The following FURIN variants were observed in gnomAD, a reference collection of about 807,000 sequenced individuals.
FURIN encodes the protein FES upstream region.
Under a neutral mutation model 89.2 loss-of-function variants are expected in FURIN, and 18 were observed. The ratio of observed to expected loss-of-function variants is 0.20; its 90% confidence interval spans 0.14 to 0.30. The LOEUF is 0.30. FURIN is among the 10% of genes least tolerant of loss of function. The pLI is 1.00. For missense variants in FURIN, 879 were observed against 1,100.5 expected, an observed-to-expected ratio of 0.80 and a Z score of 2.85; for synonymous variants, 508 against 466.4, an observed-to-expected ratio of 1.09 and a Z score of -1.15.
At chr15:90,877,669 T>C (rs1466541157) in intron 7 of FURIN, 54 bp downstream of exon 7, 1 of 1,282,562 alleles carries the variant, frequency 7.8e-7, no homozygotes, top group Non-Finnish European at 1.1e-6. Flanking sequence ...AGTGGAATTT[T>C]TCCCGCCCAC....
chr15:90,874,940 C>G (rs116482508), intron 1 of FURIN, among the ~76,000 whole-genome samples: 1 of 151,770 alleles, frequency 6.6e-6, no homozygotes, highest in African/African-American at 2.4e-5. Context: ...TCTTCTTTAC[C>G]TTGATCATGG....
In FURIN at chr15:90,882,863, T is replaced by TCCCTGGCTG. The variant is rs2032080889; in HGVS notation, c.*993_*1001dup. On this transcript the variant is annotated 3_prime_UTR_variant, in exon 16 of 16. Coordinates refer to ENST00000268171, the MANE Select transcript of FURIN (RefSeq NM_002569.4). ...TCACACCCACCGTCCGCCCTGCTCC[T>TCCCTGGCTG]CCCTGGCTGCCCTGGCCCTGAGGTG... is the stretch of plus-strand genomic sequence containing the variant. 6.5e-6 allele frequency: 1 copy of TCCCTGGCTG among 152,746 alleles called. No homozygotes were observed. The highest frequency in any genetic ancestry group is 2.1e-4 in the South Asian group (1 of 4,840). The allele number at this position is 152,746 out of a possible 1,614,324, so 9.5% of individuals were successfully genotyped here. A position where few individuals can be genotyped will look rare whatever the true frequency, so the allele number is the denominator to read the frequency against.
intron 6 of FURIN, 54 bp downstream of exon 6, chr15:90,877,265 G>A: frequency 7.1e-7 from 1 of 1,398,724 alleles, no homozygotes; most frequent in Middle Eastern, 2.0e-4. Context: ...TTCCACTAAG[G>A]AACAGGGCTG....
intron 13 of FURIN, 59 bp from the exon 14 acceptor site, chr15:90,880,632 G>A: frequency 6.4e-7 from 1 of 1,559,524 alleles, no homozygotes; most frequent in Admixed American, 1.8e-5. Flanking sequence ...CTGTGGGTTA[G>A]ATGTCCCTGG....
At chr15:90,877,462 G>A (rs956305768) in intron 6 of FURIN, 65 bp from the exon 7 acceptor site, 1 of 1,316,228 alleles carries the variant, frequency 7.6e-7, no homozygotes, top group Non-Finnish European at 1.1e-6. Context: ...TGCTCCTCAG[G>A]CCACATCTGC....
rs986829391 is a variant in FURIN at position 90,879,601 on chromosome 15, G to A, written c.1154+57G>A. On this transcript the variant is annotated intron_variant, in intron 10 of 15. Transcript: ENST00000268171. ...CCCTACCAGCACTCTCTGTAGGGCA[G>A]CCCTTAGGGCAGCTGGAGAGCTGCT... 18 of 1,558,394 alleles carry A rather than the reference G, an allele frequency of 1.2e-5. No homozygotes were observed. The East Asian group carries it at 4.0e-4, about 35-fold the overall frequency.
Position 90,875,663 on chromosome 15 carries a change from GCAGGCACCTGGGAGCCGAGGCCCTGTGAC to G in FURIN, c.-72_-44del, listed in dbSNP as rs1241880150. 7.6e-7 allele frequency: 1 copy of G among 1,317,174 alleles called. No individual in the cohort carries two copies. The highest frequency in any genetic ancestry group is 2.6e-5 in the East Asian group (1 of 38,828). 81.6% of individuals were successfully genotyped at this position (1,317,174 alleles called of 1,614,324 possible). On this transcript the variant is annotated 5_prime_UTR_variant, in exon 2 of 16. It removes the in-frame stop codon of an upstream open reading frame in the 5' UTR. Coordinates refer to ENST00000268171, the MANE Select transcript of FURIN (RefSeq NM_002569.4). ...GTCAGCCCCGGGCCACAGGCAGTGAGCAGGCACCTGGGAGCCGAGGCCCTGTGACCAGGCCAAGGAGACGGGCGCTCCAG... is the reference window on the plus strand; with the variant it reads ...GTCAGCCCCGGGCCACAGGCAGTGAGCAGGCCAAGGAGACGGGCGCTCCAG...
In FURIN at chr15:90,874,272, C is replaced by G. The variant is rs139878866; in HGVS notation, c.-159-1310C>G. Among the ~76,000 whole-genome samples the G allele has an allele frequency of 3.1e-3, 478 of 152,364 alleles. 2 individuals carry two copies. The highest frequency in any genetic ancestry group is 0.011 in the African/African-American group (457 of 41,594). ...TGAAGGAGGAAAAACAACACTCGGA[C>G]TATTGATTCAGTCTCACCTTGGCGC... On this transcript the variant is annotated intron_variant, in intron 1 of 15. Coordinates refer to ENST00000268171, the MANE Select transcript of FURIN (RefSeq NM_002569.4).
At position 90,880,076 on chromosome 15, in the gene FURIN, T is replaced by C. The variant is rs1443880321; in HGVS notation, c.1377-18T>C. 10 of 1,603,800 alleles carry C rather than the reference T, an allele frequency of 6.2e-6. No homozygotes were observed. The highest frequency in any genetic ancestry group is 1.3e-5 in the African/African-American group (1 of 74,808). On this transcript the variant is annotated intron_variant, in intron 12 of 15. Transcript: ENST00000268171. ...TCCCTCTGGGCCAGGCTGACCATCA[T>C]GGTGCTCTCCTGCACAGAGACATCG...
intron 1 of FURIN, among the ~76,000 whole-genome samples, chr15:90,874,732 A>G (rs2031510854): frequency 6.6e-6 from 1 of 152,208 alleles, no homozygotes; most frequent in Non-Finnish European, 1.5e-5. Flanking sequence ...AAACATACCT[A>G]GGTGATTTGG....
chr15:90,874,629 T>A (rs2031506282), intron 1 of FURIN, among the ~76,000 whole-genome samples: 1 of 152,228 alleles, frequency 6.6e-6, no homozygotes, highest in African/African-American at 2.4e-5. Context: ...TCCCTATGGC[T>A]GAATCTGCTT....
chr15:90,876,307 T>A lies in FURIN; in HGVS notation c.230T>A (p.Leu77Gln), dbSNP rs143659625. 1 of 1,613,068 alleles carries A rather than the reference T, an allele frequency of 6.2e-7. No individual in the cohort carries two copies. Among genetic ancestry groups the A allele is most frequent in the Non-Finnish European group, 8.5e-7 (1 of 1,179,300 alleles). ...CATCGAGGAGTGACGAAGCGGTCCC[T>A]GTCGCCTCACCGCCCGCGGCACAGC... is the stretch of plus-strand genomic sequence containing the variant. ...FWHRGVTKRSLSPHRPRHSRL... is the reference protein window; with the variant it reads ...FWHRGVTKRSQSPHRPRHSRL... The change falls in exon 3 of 16, where the codon CTG (leucine) becomes CAG (glutamine). Residue 77 changes from leucine (L) to glutamine (Q), a missense_variant. Leu to Gln is a moderately radical substitution (Grantham distance 113). Coordinates refer to ENST00000268171, the MANE Select transcript of FURIN (RefSeq NM_002569.4). The surrounding 1 kb of genome is among the most constrained non-coding windows in gnomAD (Gnocchi z 5.0).
intron 13 of FURIN, 46 bp downstream of exon 13, chr15:90,880,319 C>T: frequency 2.0e-6 from 3 of 1,477,474 alleles, no homozygotes; most frequent in Non-Finnish European, 1.8e-6. Context: ...CGCCGCCTCT[C>T]ACAGCCCGCG....
chr15:90,880,980 C>T lies in FURIN; in HGVS notation c.1732C>T (p.Leu578=), dbSNP rs752824522. The part of the protein sequence containing the change: ...LVLYGTAPEG[L]PVPPESSGCK... ...ACTCTATGGCACCGCCCCTGAGGGGCTGCCCGTACCTCCAGAAAGCAGTGG... is the reference window on the plus strand; with the variant it reads ...ACTCTATGGCACCGCCCCTGAGGGGTTGCCCGTACCTCCAGAAAGCAGTGG... The change falls in exon 15 of 16, where the codon CTG becomes TTG. Residue 578 remains leucine, a synonymous_variant. Transcript: ENST00000268171. The T allele has an allele frequency of 7.9e-5, 127 of 1,613,962 alleles. No individual in the cohort carries two copies. The highest frequency in any genetic ancestry group is 1.0e-4 in the Non-Finnish European group (122 of 1,179,942).
rs538795706 is a variant in FURIN, at chr15:90,876,772, C to T, written c.373-124C>T. ...CCCATGGAGTCCAGACAGCCAGTGG[C>T]GGCCTTTCAGGAGCAGGGATGGTAC... On this transcript the variant is annotated intron_variant, in intron 4 of 15. Coordinates refer to ENST00000268171, the MANE Select transcript of FURIN (RefSeq NM_002569.4). The surrounding 1 kb of genome is among the most constrained non-coding windows in gnomAD (Gnocchi z 5.0). The T allele has an allele frequency of 6.6e-4, 720 of 1,096,708 alleles. 1 individual carries two copies. The highest frequency in any genetic ancestry group is 1.6e-3 in the South Asian group (109 of 69,030). 67.9% of individuals were successfully genotyped at this position (1,096,708 alleles called of 1,614,324 possible).
In FURIN at chr15:90,875,065, G is replaced by A. The variant is rs138989595; in HGVS notation, c.-159-517G>A. Among the ~76,000 whole-genome samples, 581 of 124,680 alleles carry A rather than the reference G, an allele frequency of 4.7e-3. 1 individual carries two copies. Among genetic ancestry groups the A allele is most frequent in the Middle Eastern group, 0.011 (2 of 178 alleles). The allele number at this position is 124,680 out of a possible 152,430, so 81.8% of individuals were successfully genotyped here. A position where few individuals can be genotyped will look rare whatever the true frequency, so the allele number is the denominator to read the frequency against. On this transcript the variant is annotated intron_variant, in intron 1 of 15. Coordinates refer to ENST00000268171, the MANE Select transcript of FURIN (RefSeq NM_002569.4). Reference sequence around the variant, plus strand: ...TTTTTTTTTTTTGAGAGGGAGTATCGTTCTGTCGCACAGACTGGGAATGCA... The same window carrying A: ...TTTTTTTTTTTTGAGAGGGAGTATCATTCTGTCGCACAGACTGGGAATGCA...
At chr15:90,868,848 G>A (rs1188093856) in intron 1 of FURIN, 137 bp downstream of exon 1, 1 of 152,248 alleles carries the variant, frequency 6.6e-6, no homozygotes, top group Admixed American at 6.5e-5. Flanking sequence ...TTCATTCGGA[G>A]AGAACACCAA....
chr15:90,870,661 C>T (rs1412265063), intron 1 of FURIN, among the ~76,000 whole-genome samples: 2 of 152,224 alleles, frequency 1.3e-5, no homozygotes, highest in Non-Finnish European at 2.9e-5. Flanking sequence ...GCGTCGGCCT[C>T]AGCCAAGTAG....
rs777121531 is a variant in FURIN, at chr15:90,877,087, C to A, written c.502-48C>A. 2.0e-5 allele frequency: 32 copies of A among 1,610,538 alleles called. 1 individual carries two copies. The South Asian group carries it at 3.5e-4, about 18-fold the overall frequency. The stretch of plus-strand genomic sequence containing the variant: ...AGGTGTGTCTAGAGGCTGTCTTGTT[C>A]TATCAGTGAGGTCAGCCTTCTCCTG... On this transcript the variant is annotated intron_variant, in intron 5 of 15. Transcript: ENST00000268171.
Sources: gnomAD v4.1 joint callset for allele counts (sites outside exome capture counted in the v4.1 genomes callset) on GRCh38, gnomAD v4.1.1 for gene constraint, Gnocchi (gnomAD v3.1) non-coding constraint, MANE v1.5 for transcripts, NCBI Gene and HGNC (gene_info 2026-07-23, HGNC 2026-07-21) for gene names.